The following INPP5D variants were observed in gnomAD, a reference collection of about 807,000 sequenced individuals.
INPP5D encodes inositol polyphosphate-5-phosphatase D, also known as phosphatidylinositol 3,4,5-trisphosphate 5-phosphatase 1.
A neutral mutation model predicts 122.9 loss-of-function variants in INPP5D; 33 were observed. That is an observed-to-expected ratio of 0.27 (90% CI 0.20 to 0.36). The LOEUF (loss-of-function observed/expected upper bound fraction) is 0.36. Ranked by LOEUF, INPP5D falls within the 10% of genes least tolerant of loss-of-function variation. The pLI is 1.00. For synonymous variants in INPP5D, 584 were observed against 576.2 expected, an observed-to-expected ratio of 1.01 and a Z score of -0.19; for missense variants, 1,053 against 1,412.7, an observed-to-expected ratio of 0.75 and a Z score of 4.08.
chr2:233,163,500 A>C lies in INPP5D; in HGVS notation c.1241-207A>C, dbSNP rs907262352. 4.6e-5 allele frequency among the ~76,000 whole-genome samples: 7 copies of C among 152,244 alleles called. 1 individual carries two copies. The highest frequency in any genetic ancestry group is 3.9e-4 in the Admixed American group (6 of 15,300). The stretch of plus-strand genomic sequence containing the variant: ...CTTGAAACTTGACATTACGTTTAAA[A>C]AGAGGCTTAACTGAGCTCTAGCCCT... On this transcript the variant is annotated intron_variant, in intron 11 of 26. Transcript: ENST00000445964.
intron 2 of INPP5D, among the ~76,000 whole-genome samples, chr2:233,110,894 C>T (rs1240834971): frequency 6.6e-6 from 1 of 151,506 alleles, no homozygotes; most frequent in Non-Finnish European, 1.5e-5. Context: ...CACTGCACTC[C>T]AGCCTGGGCG....
chr2:233,090,912 C>T (rs900483893), intron 2 of INPP5D, among the ~76,000 whole-genome samples: 4 of 151,074 alleles, frequency 2.6e-5, no homozygotes, highest in Non-Finnish European at 4.4e-5. Context: ...GAGCTGAGAT[C>T]GCGCCACAAC....
In INPP5D at chr2:233,158,356, G is replaced by A. The variant is rs770871534; in HGVS notation, c.1074G>A (p.Val358=). ...CACAGAAATTTCTGAATAAGTTGGT[G>A]ATCTTGGTGGAAACAGAGAAGGAGA... The part of the protein sequence containing the change: ...IKSQKFLNKL[V]ILVETEKEKI... Residue 358 remains valine, a synonymous_variant, in exon 10 of 27, where the codon GTG becomes GTA. Coordinates refer to ENST00000445964, the MANE Select transcript of INPP5D (RefSeq NM_001017915.3). The A allele has an allele frequency of 2.6e-5, 18 of 703,736 alleles. 1 individual carries two copies. The highest frequency in any genetic ancestry group is 2.3e-4 in the Middle Eastern group (1 of 4,392). The allele number at this position is 703,736 out of a possible 1,614,324, so 43.6% of individuals were successfully genotyped here. A position where few individuals can be genotyped will look rare whatever the true frequency, so the allele number is the denominator to read the frequency against.
rs781197206 is a variant in INPP5D at position 233,193,980 on chromosome 2, C to A, written c.2596+19C>A. 1.1e-5 allele frequency: 17 copies of A among 1,569,392 alleles called. No homozygotes were observed. In the South Asian group the frequency reaches 1.9e-4, roughly 17 times the overall value. On this transcript the variant is annotated intron_variant, in intron 23 of 26. Coordinates refer to ENST00000445964, the MANE Select transcript of INPP5D (RefSeq NM_001017915.3). ...CTCTATGGTAAGCAGCAAGCCCCTC[C>A]CCAGCGCCCTCTTCAGCCCCCCACT... is the stretch of plus-strand genomic sequence containing the variant.
At chr2:233,121,017 C>G (rs1249749657) in intron 2 of INPP5D, among the ~76,000 whole-genome samples, 2 of 151,896 alleles carry the variant, frequency 1.3e-5, no homozygotes, top group African/African-American at 4.8e-5. Flanking sequence ...GTAACTTCCC[C>G]ACCAAACACA....
At position 233,171,221 on chromosome 2, in the gene INPP5D, T is replaced by C. The variant is rs552405520; in HGVS notation, c.1989+69T>C. 159 of 1,557,432 alleles carry C rather than the reference T, an allele frequency of 1.0e-4. 1 individual carries two copies. In the African/African-American group the frequency reaches 2.0e-3, roughly 20 times the overall value. ...CCCGCTGGTGTCTGTTCCCAAAAGG[T>C]GAACAGAAAGTGTCTTCATCCATTA... On this transcript the variant is annotated intron_variant, in intron 17 of 26. Transcript: ENST00000445964.
chr2:233,092,907 C>T (rs900846991), intron 2 of INPP5D, among the ~76,000 whole-genome samples: 3 of 152,188 alleles, frequency 2.0e-5, no homozygotes, highest in African/African-American at 7.2e-5. Flanking sequence ...ATTCCTCAGC[C>T]CCACCTGACA....
chr2:233,107,125 G>A (rs1001885738), intron 2 of INPP5D, among the ~76,000 whole-genome samples: 2 of 152,210 alleles, frequency 1.3e-5, no homozygotes, highest in African/African-American at 4.8e-5. Context: ...TAAGGCCTAA[G>A]TGGATGCCCA....
intron 2 of INPP5D, among the ~76,000 whole-genome samples, chr2:233,110,218 AT>A (rs934806681): frequency 1.3e-5 from 2 of 150,776 alleles, no homozygotes; most frequent in African/African-American, 4.9e-5. Context: ...TGCCTGACTA[AT>A]TTTTTTTGTA....
chr2:233,104,978 G>C (rs1692426524), intron 2 of INPP5D, among the ~76,000 whole-genome samples: 1 of 152,174 alleles, frequency 6.6e-6, no homozygotes, highest in Non-Finnish European at 1.5e-5. Flanking sequence ...AGTATAAATT[G>C]CACCTCCAAA....
chr2:233,123,153 T>C (rs187760012), intron 3 of INPP5D, among the ~76,000 whole-genome samples: 2 of 152,078 alleles, frequency 1.3e-5, no homozygotes, highest in African/African-American at 4.8e-5. Context: ...TAAAAATATG[T>C]TGAAAAAAAT....
At chr2:233,066,042 C>T (rs931192167) in intron 1 of INPP5D, among the ~76,000 whole-genome samples, 5 of 152,080 alleles carry the variant, frequency 3.3e-5, no homozygotes, top group African/African-American at 1.2e-4. Context: ...CAGCTCACTG[C>T]AGCCTTGCTT....
Position 233,060,721 on chromosome 2 carries a change from T to C in INPP5D, c.134+109T>C, listed in dbSNP as rs1445784657. Reference sequence around the variant, plus strand: ...TGTCACAGGACAGAGTGATCTGACATGCACACTTCCCCGCCACCCTGTCAT... The same window carrying C: ...TGTCACAGGACAGAGTGATCTGACACGCACACTTCCCCGCCACCCTGTCAT... On this transcript the variant is annotated intron_variant, in intron 1 of 26. Coordinates refer to ENST00000445964, the MANE Select transcript of INPP5D (RefSeq NM_001017915.3). 10 of 1,395,392 alleles carry C rather than the reference T, an allele frequency of 7.2e-6. No individual in the cohort carries two copies. The East Asian group carries it at 1.9e-4, about 26-fold the overall frequency. The allele number at this position is 1,395,392 out of a possible 1,614,324, so 86.4% of individuals were successfully genotyped here.
Position 233,182,403 on chromosome 2 carries a change from C to T in INPP5D, c.2072-7C>T. ...CCCTGCTTAAAAATGCCTTCCCTCC[C>T]CTGCAGGCAGTACCAGCGACATCAT... On this transcript the variant is annotated splice_region_variant and splice_polypyrimidine_tract_variant and intron_variant, in intron 18 of 26. Coordinates refer to ENST00000445964, the MANE Select transcript of INPP5D (RefSeq NM_001017915.3). 6.2e-7 allele frequency: 1 copy of T among 1,613,516 alleles called. No individual in the cohort carries two copies. The highest frequency in any genetic ancestry group is 8.5e-7 in the Non-Finnish European group (1 of 1,179,574).
At chr2:233,172,293 G>A (rs6431239) in intron 17 of INPP5D, among the ~76,000 whole-genome samples, 48,723 of 152,050 alleles carry the variant, frequency 0.32, 9,964 homozygotes, top group Non-Finnish European at 0.45. Context: ...GAGAGTGGCC[G>A]GTCCTAGATG....
Position 233,146,247 on chromosome 2 carries a change from G to C in INPP5D, c.834+5G>C, listed in dbSNP as rs370638091. 2.8e-6 allele frequency: 2 copies of C among 704,264 alleles called. No homozygotes were observed. The highest frequency in any genetic ancestry group is 2.0e-5 in the Admixed American group (1 of 50,018). 43.6% of individuals were successfully genotyped at this position (704,264 alleles called of 1,614,324 possible). A position where few individuals can be genotyped will look rare whatever the true frequency, so the allele number is the denominator to read the frequency against. ...TTGTCGTCCATTGAAGACAAGGTACGTGTGGGGCTCCTGCGGCTTCTCTTG... is the reference window on the plus strand; with the variant it reads ...TTGTCGTCCATTGAAGACAAGGTACCTGTGGGGCTCCTGCGGCTTCTCTTG... On this transcript the variant is annotated splice_donor_5th_base_variant and intron_variant, in intron 7 of 26. Transcript: ENST00000445964.
At position 233,122,232 on chromosome 2, in the gene INPP5D, A is replaced by C. The variant is rs1693004910; in HGVS notation, c.324A>C (p.Thr108=). 1 of 1,613,856 alleles carries C rather than the reference A, an allele frequency of 6.2e-7. No homozygotes were observed. Among genetic ancestry groups the C allele is most frequent in the Non-Finnish European group, 8.5e-7 (1 of 1,179,836 alleles). ...QYPVPLEEED[T]GDDPEEDTVE... Reference sequence around the variant, plus strand: ...CTGTGCCGCTGGAGGAAGAGGACACAGGCGACGACCCTGAGGAGGACACAG... The same window carrying C: ...CTGTGCCGCTGGAGGAAGAGGACACCGGCGACGACCCTGAGGAGGACACAG... Residue 108 remains threonine, a synonymous_variant, in exon 3 of 27, where the codon ACA becomes ACC. Coordinates refer to ENST00000445964, the MANE Select transcript of INPP5D (RefSeq NM_001017915.3).
chr2:233,102,441 C>T (rs959411635), intron 2 of INPP5D, among the ~76,000 whole-genome samples: 3 of 152,162 alleles, frequency 2.0e-5, no homozygotes, highest in Non-Finnish European at 4.4e-5. Context: ...TGATTTTCCC[C>T]ATGGGCCAGA....
chr2:233,179,730 T>A (rs148127775), intron 18 of INPP5D, among the ~76,000 whole-genome samples: 1,609 of 152,158 alleles, frequency 0.011, 8 homozygotes, highest in Middle Eastern at 0.014. Flanking sequence ...AAGCGTTTAA[T>A]GAGTTGGGGT....
Sources: allele counts gnomAD v4.1 joint callset (sites outside exome capture counted in the v4.1 genomes callset), GRCh38; gene constraint gnomAD v4.1.1; transcripts MANE v1.5; gene names NCBI Gene and HGNC (gene_info 2026-07-23, HGNC 2026-07-21).